KATNAL2: variants seen among roughly 807,000 people sequenced by gnomAD.
KATNAL2 encodes katanin p60 ATPase-containing subunit A-like 2.
In KATNAL2, 52 loss-of-function variants were observed where a neutral mutation model predicts 76.3. The ratio of observed to expected loss-of-function variants is 0.68; its 90% CI spans 0.55 to 0.86. The LOEUF is 0.86. Ranked by LOEUF, KATNAL2 falls within the 40% of genes least tolerant of loss-of-function variation. The pLI, the probability that KATNAL2 is intolerant of heterozygous loss-of-function variation, is 0.00. For missense variants in KATNAL2, 660 were observed against 668.9 expected, an observed-to-expected ratio of 0.99 and a Z score of 0.15; for synonymous variants, 243 against 244.2, an observed-to-expected ratio of 1.00 and a Z score of 0.05.
At position 47,097,118 on chromosome 18, in the gene KATNAL2, C is replaced by CAAAAAAA. The variant is rs58101085; in HGVS notation, c.1212-2109_1212-2103dup. 5.8e-3 allele frequency among the ~76,000 whole-genome samples: 410 copies of CAAAAAAA among 70,818 alleles called. 6 individuals carry two copies. The highest frequency in any genetic ancestry group is 0.016 in the African/African-American group (367 of 22,824). The allele number at this position is 70,818 out of a possible 152,430, so 46.5% of individuals were successfully genotyped here. A position where few individuals can be genotyped will look rare whatever the true frequency, so the allele number is the denominator to read the frequency against. On this transcript the variant is annotated intron_variant, in intron 15 of 17. Coordinates refer to ENST00000683218, the MANE Select transcript of KATNAL2 (RefSeq NM_001387690.1). ...TGGGCAACAGAGGAAGACCCTGGCTCAAAAAAAAAAAAAAAAAAAAAATCC... is the reference window on the plus strand; with the variant it reads ...TGGGCAACAGAGGAAGACCCTGGCTCAAAAAAAAAAAAAAAAAAAAAAAAAAAAATCC...
intron 4 of KATNAL2, among the ~76,000 whole-genome samples, chr18:47,051,269 T>G (rs1200765048): frequency 4.0e-5 from 6 of 151,596 alleles, no homozygotes; most frequent in African/African-American, 1.5e-4. Context: ...CTACAAAAAA[T>G]AAAATAAAAT....
intron 3 of KATNAL2, chr18:47,032,457 A>T (rs527911526): frequency 1.5e-4 from 25 of 168,248 alleles, no homozygotes; most frequent in Middle Eastern, 6.5e-3. Flanking sequence ...TATTTTGCCC[A>T]GGCTGTTCTT....
At chr18:47,074,661 TA>T (rs1294945918) in intron 13 of KATNAL2, among the ~76,000 whole-genome samples, 1 of 152,218 alleles carries the variant, frequency 6.6e-6, no homozygotes, top group African/African-American at 2.4e-5. Context: ...CAGTCTATAA[TA>T]TTTTATTTTA....
At chr18:47,053,068 A>C in intron 5 of KATNAL2, 22 bp downstream of exon 5, 2 of 1,553,628 alleles carry the variant, frequency 1.3e-6, no homozygotes, top group Non-Finnish European at 1.7e-6. Flanking sequence ...TTTTCTAGAG[A>C]TAAGGCTTTG....
chr18:47,083,985 C>G (rs1049592396), intron 15 of KATNAL2, among the ~76,000 whole-genome samples: 16 of 152,188 alleles, frequency 1.1e-4, no homozygotes, highest in Non-Finnish European at 2.1e-4. Flanking sequence ...AAAAATCAGA[C>G]ACCTGGTATA....
chr18:47,033,942 C>T, intron 3 of KATNAL2: 4 of 1,613,048 alleles, frequency 2.5e-6, no homozygotes, highest in African/African-American at 1.3e-5. Context: ...CGGCCGCCTG[C>T]AGCCTCTCTG....
At chr18:47,057,877 A>G (rs1366070140) in intron 6 of KATNAL2, among the ~76,000 whole-genome samples, 3 of 152,204 alleles carry the variant, frequency 2.0e-5, no homozygotes, top group Non-Finnish European at 4.4e-5. Flanking sequence ...TCCTGGTCTA[A>G]TGCTCCTTTT....
At chr18:47,095,270 A>G (rs936975228) in intron 15 of KATNAL2, among the ~76,000 whole-genome samples, 7 of 152,198 alleles carry the variant, frequency 4.6e-5, no homozygotes, top group African/African-American at 1.4e-4. Flanking sequence ...AAGTTCATCA[A>G]CAATGAAGTG....
chr18:47,036,450 G>A (rs2060777812), intron 3 of KATNAL2, among the ~76,000 whole-genome samples: 1 of 152,126 alleles, frequency 6.6e-6, no homozygotes, highest in African/African-American at 2.4e-5. Flanking sequence ...TCTCTTGACT[G>A]GTCCTCTCTG....
At chr18:46,923,612 A>G (rs1470684731) in intron 1 of KATNAL2, among the ~76,000 whole-genome samples, 1 of 152,158 alleles carries the variant, frequency 6.6e-6, no homozygotes, top group East Asian at 1.9e-4. Context: ...GCTGGGTCAA[A>G]TGGTATTTCT....
Position 47,099,228 on chromosome 18 carries a change from C to G in KATNAL2, c.1212-15C>G, listed in dbSNP as rs894691197. ...TTTGCAGCCCTGTCCAGCTCCATTT[C>G]TGGTGTGATTTCAGGGAGCTGGACT... On this transcript the variant is annotated splice_polypyrimidine_tract_variant and intron_variant, in intron 15 of 17. Transcript: ENST00000683218. The G allele has an allele frequency of 7.5e-6, 12 of 1,600,560 alleles. No individual in the cohort carries two copies. The highest frequency in any genetic ancestry group is 3.4e-5 in the Admixed American group (2 of 58,688).
chr18:47,057,761 G>C (rs1242064106), intron 6 of KATNAL2, among the ~76,000 whole-genome samples: 1 of 152,126 alleles, frequency 6.6e-6, no homozygotes, highest in Non-Finnish European at 1.5e-5. Context: ...ATTTTAAGTA[G>C]GCAGGGTATA....
chr18:47,054,006 C>G (rs1165562286), intron 5 of KATNAL2, among the ~76,000 whole-genome samples: 1 of 152,214 alleles, frequency 6.6e-6, no homozygotes, highest in Non-Finnish European at 1.5e-5. Context: ...CAGAGTATGA[C>G]TTCAGTGTTC....
At position 47,035,049 on chromosome 18, in the gene KATNAL2, C is replaced by T. The variant is rs528971461; in HGVS notation, c.52-11408C>T. 4 of 1,611,896 alleles carry T rather than the reference C, an allele frequency of 2.5e-6. No individual in the cohort carries two copies. The African/African-American group carries it at 4.0e-5, about 16-fold the overall frequency. On this transcript the variant is annotated intron_variant, in intron 3 of 17. Coordinates refer to ENST00000683218, the MANE Select transcript of KATNAL2 (RefSeq NM_001387690.1). ...GGTCCACGAGCACCAGCTTCTTCCACCGGGCCGCTAAGTCTCTGGCAAAGT... is the reference window on the plus strand; with the variant it reads ...GGTCCACGAGCACCAGCTTCTTCCATCGGGCCGCTAAGTCTCTGGCAAAGT...
At chr18:47,054,273 G>C (rs2061412297) in intron 5 of KATNAL2, 123 bp from the exon 6 acceptor site, 2 of 819,710 alleles carry the variant, frequency 2.4e-6, no homozygotes, top group Non-Finnish European at 4.1e-6. Context: ...AAAGTCTCTA[G>C]ATTCCAATTG....
At chr18:46,953,353 A>G (rs2059624764) in intron 3 of KATNAL2, among the ~76,000 whole-genome samples, 1 of 152,220 alleles carries the variant, frequency 6.6e-6, no homozygotes, top group South Asian at 2.1e-4. Flanking sequence ...AGAATGAGTC[A>G]TCTAGGCTGG....
chr18:46,953,756 CA>C (rs35379896), intron 3 of KATNAL2, among the ~76,000 whole-genome samples: 67,296 of 145,698 alleles, frequency 0.46, 15,093 homozygotes, highest in Middle Eastern at 0.55. Context: ...GACCCCGTCT[CA>C]AAAAAAAAAA....
chr18:47,048,626 AAGAGC>A (rs2061238152), intron 4 of KATNAL2, among the ~76,000 whole-genome samples: 1 of 152,096 alleles, frequency 6.6e-6, no homozygotes, highest in Non-Finnish European at 1.5e-5. Flanking sequence ...TCTGGGCTAT[AAGAGC>A]ATTCCTGAAA....
At chr18:47,090,471 A>C (rs1162542028) in intron 15 of KATNAL2, among the ~76,000 whole-genome samples, 1 of 152,168 alleles carries the variant, frequency 6.6e-6, no homozygotes. Context: ...GGGGGAATCC[A>C]CATCATATGG....
Sources: gnomAD v4.1 joint callset for allele counts (sites outside exome capture counted in the v4.1 genomes callset) on GRCh38, gnomAD v4.1.1 for gene constraint, MANE v1.5 for transcripts, NCBI Gene and HGNC (gene_info 2026-07-23, HGNC 2026-07-21) for gene names.